CELF1: variants seen among roughly 807,000 people sequenced by gnomAD.
CELF1 encodes CUGBP Elav-like family member 1, also known as 50 kDa nuclear polyadenylated RNA-binding protein.
CELF1 carries 10 observed loss-of-function variants against 61.8 expected under a neutral mutation model. That is an observed-to-expected ratio of 0.16 (90% CI 0.10 to 0.27). CELF1 has a LOEUF of 0.27. Ranked by LOEUF, CELF1 falls within the 10% of genes least tolerant of loss-of-function variation. The pLI, the probability that CELF1 is intolerant of heterozygous loss-of-function variation, is 1.00. For synonymous variants in CELF1, 236 were observed against 225.1 expected, an observed-to-expected ratio of 1.05 and a Z score of -0.43; for missense variants, 380 against 639.1, an observed-to-expected ratio of 0.59 and a Z score of 4.37.
chr11:47,535,700 T>C (rs2096612134), intron 1 of CELF1, among the ~76,000 whole-genome samples: 1 of 145,374 alleles, frequency 6.9e-6, no homozygotes, highest in Non-Finnish European at 1.5e-5. Context: ...AAAAAATAAA[T>C]CATGTCTTGT....
In CELF1 at chr11:47,553,093, G is replaced by T; in HGVS notation, c.-255C>A. 2 of 399,002 alleles carry T rather than the reference G, an allele frequency of 5.0e-6. No individual in the cohort carries two copies. The highest frequency in any genetic ancestry group is 8.8e-6 in the Non-Finnish European group (2 of 226,528). 24.7% of individuals were successfully genotyped at this position (399,002 alleles called of 1,614,324 possible). A position where few individuals can be genotyped will look rare whatever the true frequency, so the allele number is the denominator to read the frequency against. On this transcript the variant is annotated 5_prime_UTR_variant, in exon 1 of 15. Coordinates refer to ENST00000687097, the MANE Select transcript of CELF1 (RefSeq NM_001376376.1). ...GAGGCCGAATCCCGGGGGAGCCTCC[G>T]CGTCCCGCCGCCGCTGCCGCTGCCG...
intron 1 of CELF1, 46 bp downstream of exon 1, chr11:47,552,946 C>A: frequency 2.5e-6 from 1 of 397,010 alleles, no homozygotes; most frequent in South Asian, 1.3e-4. Flanking sequence ...CCTTTTTTCC[C>A]CTCCCTCCCT....
chr11:47,485,806 C>T (rs1235434139), intron 6 of CELF1, among the ~76,000 whole-genome samples: 3 of 150,238 alleles, frequency 2.0e-5, no homozygotes, highest in African/African-American at 4.9e-5. Context: ...ATCCGCCCGC[C>T]GTGCGCTCCC....
At chr11:47,535,666 C>G (rs1246675776) in intron 1 of CELF1, among the ~76,000 whole-genome samples, 1 of 138,078 alleles carries the variant, frequency 7.2e-6, no homozygotes, top group Non-Finnish European at 1.5e-5. Flanking sequence ...GCAACAAGAG[C>G]GAAACCCCAT....
intron 4 of CELF1, among the ~76,000 whole-genome samples, 159 bp downstream of exon 4, chr11:47,488,674 TAGAC>T (rs553086354): frequency 1.6e-3 from 240 of 152,240 alleles, no homozygotes; most frequent in African/African-American, 5.0e-3. Context: ...TTTTTTCCAA[TAGAC>T]AGACAGACAG....
At chr11:47,499,138 A>T (rs973122269) in intron 3 of CELF1, among the ~76,000 whole-genome samples, 11 of 149,786 alleles carry the variant, frequency 7.3e-5, no homozygotes, top group East Asian at 2.0e-4. Context: ...GCTACAGTTT[A>T]AAAAAAAAAT....
chr11:47,503,728 G>C (rs1410621405), intron 1 of CELF1, among the ~76,000 whole-genome samples: 1 of 152,010 alleles, frequency 6.6e-6, no homozygotes. Flanking sequence ...TTCTAAAATC[G>C]AGTATTTCTA....
At chr11:47,511,991 G>A (rs2095230075) in intron 1 of CELF1, among the ~76,000 whole-genome samples, 1 of 152,030 alleles carries the variant, frequency 6.6e-6, no homozygotes. Context: ...TAGGACTACA[G>A]GCACAAGCCA....
At chr11:47,509,887 T>A (rs1160918800) in intron 1 of CELF1, among the ~76,000 whole-genome samples, 2 of 92,802 alleles carry the variant, frequency 2.2e-5, no homozygotes, top group Non-Finnish European at 4.3e-5. Context: ...ATTAGCTGGG[T>A]GTGGTGTCTC....
chr11:47,562,421 C>T (rs565921566), intron 2 of CELF1, among the ~76,000 whole-genome samples: 24 of 144,694 alleles, frequency 1.7e-4, no homozygotes, highest in African/African-American at 5.9e-4. Context: ...CCCAGCTACT[C>T]AGGAGGCTGA....
At chr11:47,560,385 G>C (rs1297415640) in intron 2 of CELF1, among the ~76,000 whole-genome samples, 1 of 152,166 alleles carries the variant, frequency 6.6e-6, no homozygotes, top group Non-Finnish European at 1.5e-5. Flanking sequence ...CTGCACTCCA[G>C]CCTGGGTGAC....
At chr11:47,533,809 CA>C (rs58856403) in intron 1 of CELF1, among the ~76,000 whole-genome samples, 30,370 of 84,526 alleles carry the variant, frequency 0.36, 5,196 homozygotes, top group African/African-American at 0.47. Context: ...GACTCTCCCC[CA>C]AAAAAAAAAA....
In CELF1 at chr11:47,559,356, C is replaced by T. The variant is rs1014121129; in HGVS notation, c.-11+4995G>A. The stretch of plus-strand genomic sequence containing the variant: ...CTGGGATTATAGGCATGAGCCACTT[C>T]GCCTGGCCTTTTTTTTTTTTGTGAG... On this transcript the variant is annotated intron_variant, in intron 2 of 3. Transcript: ENST00000525841. 8.6e-5 allele frequency among the ~76,000 whole-genome samples: 13 copies of T among 150,736 alleles called. No individual in the cohort carries two copies. In the South Asian group the frequency reaches 1.7e-3, roughly 19 times the overall value.
intron 1 of CELF1, among the ~76,000 whole-genome samples, chr11:47,516,106 G>A (rs113160978): frequency 0.014 from 2,058 of 151,408 alleles, 54 homozygotes; most frequent in African/African-American, 0.047. Context: ...GGGAGGCTAC[G>A]GCAGGAAGAA....
intron 2 of CELF1, chr11:47,499,875 A>G (rs2093681107): frequency 1.6e-5 from 3 of 190,606 alleles, no homozygotes; most frequent in Non-Finnish European, 2.1e-5. Context: ...TGGCTAACAG[A>G]GCAGAAGAAA....
At chr11:47,479,755 T>C (rs2081968109) in intron 9 of CELF1, among the ~76,000 whole-genome samples, 1 of 152,246 alleles carries the variant, frequency 6.6e-6, no homozygotes, top group Non-Finnish European at 1.5e-5. Context: ...CCAATTAGTA[T>C]TGTTTATGGA....
At chr11:47,487,477 T>C (rs756628232) in intron 4 of CELF1, among the ~76,000 whole-genome samples, 38 of 152,236 alleles carry the variant, frequency 2.5e-4, no homozygotes, top group Non-Finnish European at 5.3e-4. Flanking sequence ...AAGTCTTATT[T>C]AGCTGCTCAT....
chr11:47,531,798 G>GT (rs1390542655), intron 1 of CELF1, among the ~76,000 whole-genome samples: 1 of 152,104 alleles, frequency 6.6e-6, no homozygotes. Context: ...TAAGCACATT[G>GT]TAAAGTACTT....
upstream of CELF1, among the ~76,000 whole-genome samples, chr11:47,557,104 T>C (rs1257654650): frequency 1.3e-5 from 2 of 152,062 alleles, no homozygotes; most frequent in Admixed American, 1.3e-4. Flanking sequence ...TTCCCCATGT[T>C]GGTCAGGTTG....
Sources: allele counts gnomAD v4.1 joint callset (sites outside exome capture counted in the v4.1 genomes callset), GRCh38; gene constraint gnomAD v4.1.1; transcripts MANE v1.5; gene names NCBI Gene and HGNC (gene_info 2026-07-23, HGNC 2026-07-21).